The following HTR1F variants were observed in gnomAD, a reference collection of about 807,000 sequenced individuals.
The protein encoded by HTR1F is 5-hydroxytryptamine (serotonin) receptor 1F, G protein-coupled.
HTR1F carries 17 observed loss-of-function variants against 24.0 expected under a neutral mutation model. The observed-to-expected ratio is 0.71, with a 90% CI of 0.48 to 1.06. The LOEUF is 1.06. Among genes scored for constraint, HTR1F ranks in the 50% least tolerant of loss-of-function variants. The probability of loss-of-function intolerance (pLI) is 0.00; values close to 1 mark genes in which losing one functional copy is unlikely to be tolerated. For synonymous variants in HTR1F, 186 were observed against 156.8 expected (o/e 1.19, Z -1.39); for missense variants, 391 against 427.8 (o/e 0.91, Z 0.76).
In HTR1F at chr3:87,792,860, CG is replaced by C. The variant is rs1321491918; in HGVS notation, c.-160+19del. On this transcript the variant is annotated intron_variant, in intron 1 of 2. Transcript: ENST00000319595. ...CGCCAGGGGTGAGTGTGCGGATCAG[CG>C]CTGAGCCCGGGAGTGCGGGTCACGC... Among the ~76,000 whole-genome samples the C allele has an allele frequency of 6.6e-6, 1 of 152,172 alleles. No individual in the cohort carries two copies. The highest frequency in any genetic ancestry group is 2.4e-5 in the African/African-American group (1 of 41,448).
intron 2 of HTR1F, among the ~76,000 whole-genome samples, chr3:87,831,309 G>A (rs1488941825): frequency 6.7e-6 from 1 of 149,266 alleles, no homozygotes. Flanking sequence ...TAGGGTCTTT[G>A]TACTTTAAAA....
intron 2 of HTR1F, among the ~76,000 whole-genome samples, chr3:87,910,508 C>T (rs899466416): frequency 2.6e-5 from 4 of 151,912 alleles, no homozygotes; most frequent in African/African-American, 7.2e-5. Flanking sequence ...CTTAGAGTCC[C>T]GCACAATAAT....
Position 87,861,235 on chromosome 3 carries a change from C to G in HTR1F, c.-43+39111C>G, listed in dbSNP as rs78615773. Reference sequence around the variant, plus strand: ...GTATGCAATTTTGGATTTTGTTCATCGGTAAAAAGTTGAGATGGTGATTCC... The same window carrying G: ...GTATGCAATTTTGGATTTTGTTCATGGGTAAAAAGTTGAGATGGTGATTCC... On this transcript the variant is annotated intron_variant, in intron 2 of 2. Transcript: ENST00000319595. 4.5e-4 allele frequency among the ~76,000 whole-genome samples: 68 copies of G among 152,060 alleles called. 1 individual carries two copies. The East Asian group carries it at 7.6e-3, about 17-fold the overall frequency.
intron 2 of HTR1F, among the ~76,000 whole-genome samples, chr3:87,861,495 G>A (rs1383559091): frequency 3.9e-5 from 6 of 151,984 alleles, no homozygotes; most frequent in African/African-American, 1.4e-4. Flanking sequence ...TACAAGGACT[G>A]TATTTCCATA....
intron 2 of HTR1F, among the ~76,000 whole-genome samples, chr3:87,858,257 T>G (rs1334511662): frequency 2.0e-5 from 3 of 152,142 alleles, no homozygotes; most frequent in Non-Finnish European, 4.4e-5. Context: ...TTTATATAAC[T>G]CAGGGGTACA....
At position 87,869,835 on chromosome 3, in the gene HTR1F, C is replaced by T. The variant is rs558181597; in HGVS notation, c.-43+47711C>T. On this transcript the variant is annotated intron_variant, in intron 2 of 2. Coordinates refer to ENST00000319595, the MANE Select transcript of HTR1F (RefSeq NM_001322209.2). The stretch of plus-strand genomic sequence containing the variant: ...CACCCAAAACAACCTCTCAGAAAAA[C>T]TTAAAATAATGTTTGTTCAAATATC... 2.0e-5 allele frequency among the ~76,000 whole-genome samples: 3 copies of T among 152,160 alleles called. No homozygotes were observed. The South Asian group carries it at 6.2e-4, about 32-fold the overall frequency.
At chr3:87,914,183 C>T (rs1370271335) in intron 2 of HTR1F, among the ~76,000 whole-genome samples, 1 of 152,092 alleles carries the variant, frequency 6.6e-6, no homozygotes, top group Non-Finnish European at 1.5e-5. Flanking sequence ...GAGGTGGCAG[C>T]AGGAAACCCC....
At chr3:87,954,461 T>A (rs773479555) in intron 2 of HTR1F, among the ~76,000 whole-genome samples, 1 of 151,764 alleles carries the variant, frequency 6.6e-6, no homozygotes, top group African/African-American at 2.4e-5. Context: ...TTGTAACTTT[T>A]AGATTAAACC....
chr3:87,835,082 T>A (rs756827140), intron 2 of HTR1F, among the ~76,000 whole-genome samples: 2 of 152,198 alleles, frequency 1.3e-5, no homozygotes, highest in Non-Finnish European at 2.9e-5. Flanking sequence ...CAATGCCATT[T>A]TCTCCGTACT....
chr3:87,805,759 G>A (rs760992099), intron 1 of HTR1F, among the ~76,000 whole-genome samples: 21 of 152,008 alleles, frequency 1.4e-4, no homozygotes, highest in Non-Finnish European at 2.2e-4. Context: ...ACGTTTACCC[G>A]TGTAACAAAT....
chr3:87,850,092 G>C (rs1056406925), intron 2 of HTR1F, among the ~76,000 whole-genome samples: 1 of 151,946 alleles, frequency 6.6e-6, no homozygotes, highest in Non-Finnish European at 1.5e-5. Flanking sequence ...GTTTGACCCA[G>C]CCATCCCATT....
chr3:87,918,554 A>G (rs1703944805), intron 2 of HTR1F, among the ~76,000 whole-genome samples: 1 of 152,110 alleles, frequency 6.6e-6, no homozygotes, highest in Non-Finnish European at 1.5e-5. Flanking sequence ...GTGTACACAA[A>G]TCAATAGCTC....
chr3:87,973,817 G>A (rs1409000453), intron 2 of HTR1F, among the ~76,000 whole-genome samples: 1 of 152,114 alleles, frequency 6.6e-6, no homozygotes, highest in South Asian at 2.1e-4. Context: ...TATCCATCAG[G>A]TTCATAATGG....
chr3:87,825,471 T>C (rs563621618), intron 2 of HTR1F, among the ~76,000 whole-genome samples: 1 of 152,320 alleles, frequency 6.6e-6, no homozygotes, highest in East Asian at 1.9e-4. Flanking sequence ...TCCCCTTCTA[T>C]ATTCTGTATG....
chr3:87,932,341 G>A (rs1704297716), intron 2 of HTR1F, among the ~76,000 whole-genome samples: 1 of 152,112 alleles, frequency 6.6e-6, no homozygotes, highest in Admixed American at 6.6e-5. Flanking sequence ...GTTTGTCAAA[G>A]ATCAGATAGT....
chr3:87,937,941 A>AAAG (rs1204991487), intron 2 of HTR1F, among the ~76,000 whole-genome samples: 4 of 150,294 alleles, frequency 2.7e-5, no homozygotes, highest in African/African-American at 9.8e-5. Flanking sequence ...AAAAAAAAAA[A>AAAG]AAGAAGAAAG....
chr3:87,905,066 G>C (rs1370461287), intron 2 of HTR1F, among the ~76,000 whole-genome samples: 1 of 151,958 alleles, frequency 6.6e-6, no homozygotes, highest in Non-Finnish European at 1.5e-5. Context: ...CCAACTACTT[G>C]GGAGGCTGAG....
chr3:87,965,208 T>G (rs1705137968), intron 2 of HTR1F, among the ~76,000 whole-genome samples: 1 of 152,218 alleles, frequency 6.6e-6, no homozygotes, highest in African/African-American at 2.4e-5. Flanking sequence ...TTAATTGGAT[T>G]TCATTTTTTA....
rs1293200890 is a variant in HTR1F, at chr3:87,991,842, C to A, written c.1093C>A (p.Arg365=). Residue 365 remains arginine (R), a synonymous_variant, in exon 3 of 3, where the codon CGA becomes AGA. Coordinates refer to ENST00000319595, the MANE Select transcript of HTR1F (RefSeq NM_001322209.2). ...KKAFQKLVRC[R]C The stretch of plus-strand genomic sequence containing the variant: ...AGCATTCCAAAAGCTTGTGCGATGT[C>A]GATGTTAGTTTTAAAAATGTTTATT... The A allele has an allele frequency of 1.3e-6, 2 of 1,555,828 alleles. No homozygotes were observed. The highest frequency in any genetic ancestry group is 1.2e-5 in the South Asian group (1 of 80,960).
Sources: gnomAD v4.1 joint callset for allele counts (sites outside exome capture counted in the v4.1 genomes callset) on GRCh38, gnomAD v4.1.1 for gene constraint, MANE v1.5 for transcripts, NCBI Gene and HGNC (gene_info 2026-07-23, HGNC 2026-07-21) for gene names.